Variants in ZNF160 observed in about 807,000 individuals in gnomAD.
ZNF160 encodes the protein zinc finger protein 160.
In ZNF160, 9 loss-of-function variants were observed where a neutral mutation model predicts 13.1. The observed-to-expected ratio is 0.69, with a 90% confidence interval of 0.41 to 1.20. ZNF160 has a LOEUF of 1.20. Among genes scored for constraint, ZNF160 ranks in the 50% most tolerant of loss-of-function variants. The pLI is 0.01. For synonymous variants in ZNF160, 293 were observed against 333.2 expected (o/e 0.88, Z 1.31); for missense variants, 838 against 988.0 (o/e 0.85, Z 2.04).
At chr19:53,072,426 T>C (rs898928159) in intron 5 of ZNF160, among the ~76,000 whole-genome samples, 12 of 152,218 alleles carry the variant, frequency 7.9e-5, no homozygotes, top group African/African-American at 2.9e-4. Flanking sequence ...CAATACCTGC[T>C]GAAAACCATA....
rs35223076 is a variant in ZNF160, at chr19:53,101,423, A to AAT, written c.-354+1840_-354+1841dup. ...AACTTCAAATGGAAACCATTTTGAAAATATATATATTATTTAATATGTATA... is the reference window on the plus strand; with the variant it reads ...AACTTCAAATGGAAACCATTTTGAAAATATATATATATTATTTAATATGTATA... On this transcript the variant is annotated intron_variant, in intron 1 of 5. Coordinates refer to ENST00000683776, the MANE Select transcript of ZNF160 (RefSeq NM_001322131.2). Among the ~76,000 whole-genome samples, 294 of 149,114 alleles carry AAT rather than the reference A, an allele frequency of 2.0e-3. 2 individuals carry two copies. Among genetic ancestry groups the AAT allele is most frequent in the African/African-American group, 6.7e-3 (271 of 40,696 alleles).
rs1305988164 is a variant in ZNF160, at chr19:53,069,509, T to G, written c.1025A>C (p.Lys342Thr). Residue 342 changes from lysine (K) to threonine (T), a missense_variant, in exon 6 of 6, where the codon AAG (lysine) becomes ACG (threonine). By Grantham distance (78) the Lys-to-Thr change is moderately conservative. Coordinates refer to ENST00000683776, the MANE Select transcript of ZNF160 (RefSeq NM_001322131.2). The surrounding 1 kb of genome is among the most constrained non-coding windows in gnomAD (Gnocchi z 4.4). Reference protein sequence around the residue: ...RRIHTGEKPYKCNECGKAFRG... With the variant: ...RRIHTGEKPYTCNECGKAFRG... ...AAAGGCTTTTCCACACTCATTACAC[T>G]TGTAAGGTTTCTCTCCAGTATGAAT... The G allele has an allele frequency of 6.2e-7, 1 of 1,614,054 alleles. No homozygotes were observed. The highest frequency in any genetic ancestry group is 8.5e-7 in the Non-Finnish European group (1 of 1,180,038).
intron 3 of ZNF160, chr19:53,085,886 G>T: frequency 1.5e-6 from 1 of 668,316 alleles, no homozygotes; most frequent in Non-Finnish European, 2.6e-6. Context: ...CAGTGAGCAG[G>T]TACGTGTGCA....
At chr19:53,075,378 G>A in intron 3 of ZNF160, 195 bp from the exon 4 acceptor site, 1 of 607,126 alleles carries the variant, frequency 1.6e-6, no homozygotes, top group Non-Finnish European at 2.8e-6. Flanking sequence ...TGAAATCAGT[G>A]GAGTGATAAG....
At chr19:53,085,209 C>T (rs1309541838) in intron 3 of ZNF160, 49 of 985,302 alleles carry the variant, frequency 5.0e-5, no homozygotes, top group Non-Finnish European at 5.5e-5. Flanking sequence ...GAAAAGTGAG[C>T]TCCTGTTTCC....
intron 1 of ZNF160, among the ~76,000 whole-genome samples, chr19:53,094,605 A>C (rs558860017): frequency 1.2e-4 from 18 of 152,290 alleles, no homozygotes; most frequent in Non-Finnish European, 2.6e-4. Context: ...ATCGTTTTCA[A>C]TGTAAGAGTA....
At position 53,068,043 on chromosome 19, in the gene ZNF160, A is replaced by C. The variant is rs756801036; in HGVS notation, c.*34T>G. 2 of 1,547,832 alleles carry C rather than the reference A, an allele frequency of 1.3e-6. No homozygotes were observed. On this transcript the variant is annotated 3_prime_UTR_variant, in exon 6 of 6. Transcript: ENST00000683776. Reference sequence around the variant, plus strand: ...TCAAGAATGAAATTAACTGATGTGAAAGGAGTGAATTGTACCTAATGACCT... The same window carrying C: ...TCAAGAATGAAATTAACTGATGTGACAGGAGTGAATTGTACCTAATGACCT...
intron 1 of ZNF160, among the ~76,000 whole-genome samples, chr19:53,092,008 C>T (rs193043210): frequency 3.9e-5 from 6 of 152,338 alleles, no homozygotes; most frequent in African/African-American, 1.4e-4. Context: ...TCCCATTCCA[C>T]TCTTGAGATG....
chr19:53,097,614 A>G (rs1347837803), intron 1 of ZNF160, among the ~76,000 whole-genome samples: 1 of 152,222 alleles, frequency 6.6e-6, no homozygotes, highest in African/African-American at 2.4e-5. Flanking sequence ...GGGGAATACC[A>G]CTGAAACCTA....
intron 3 of ZNF160, among the ~76,000 whole-genome samples, chr19:53,081,889 G>A (rs329703): frequency 0.9 from 137,040 of 152,246 alleles, 61,874 homozygotes; most frequent in African/African-American, 0.96. Context: ...CAAGTGGATC[G>A]GATAAAGAAA....
chr19:53,075,470 G>A, intron 3 of ZNF160: 1 of 374,774 alleles, frequency 2.7e-6, no homozygotes, highest in Non-Finnish European at 5.1e-6. Context: ...CCGGAACTAA[G>A]GCTCGGTGGG....
At chr19:53,079,910 ACT>A (rs1165881181) in intron 3 of ZNF160, among the ~76,000 whole-genome samples, 1 of 151,972 alleles carries the variant, frequency 6.6e-6, no homozygotes, top group African/African-American at 2.4e-5. Context: ...ACATAGTGAG[ACT>A]CTGTCTCTAT....
intron 2 of ZNF160, among the ~76,000 whole-genome samples, chr19:53,090,690 A>G (rs2085001113): frequency 6.6e-6 from 1 of 152,148 alleles, no homozygotes; most frequent in African/African-American, 2.4e-5. Flanking sequence ...GCAAGGCTCA[A>G]TGAGAGCAAG....
rs200150290 is a variant in ZNF160, at chr19:53,093,408, CA to C, written c.-353-1689del. Among the ~76,000 whole-genome samples the C allele has an allele frequency of 7.3e-3, 1,111 of 152,044 alleles. 4 individuals are homozygous for C. Among genetic ancestry groups the C allele is most frequent in the Non-Finnish European group, 0.013 (857 of 68,000 alleles). On this transcript the variant is annotated intron_variant, in intron 1 of 5. Coordinates refer to ENST00000683776, the MANE Select transcript of ZNF160 (RefSeq NM_001322131.2). ...GAGCCAAGATCGTGCCACTGCACTCCAGCCTGGGCAACAGAGCAGGACTCCA... is the reference window on the plus strand; with the variant it reads ...GAGCCAAGATCGTGCCACTGCACTCCGCCTGGGCAACAGAGCAGGACTCCA...
chr19:53,100,436 C>T (rs1175642332), intron 1 of ZNF160, among the ~76,000 whole-genome samples: 1 of 150,596 alleles, frequency 6.6e-6, no homozygotes, highest in Non-Finnish European at 1.5e-5. Flanking sequence ...TGGTGAAACC[C>T]CATCTCTACT....
chr19:53,074,383 C>T, intron 4 of ZNF160, 115 bp from the exon 5 acceptor site: 1 of 1,471,424 alleles, frequency 6.8e-7, no homozygotes, highest in Non-Finnish European at 9.0e-7. Flanking sequence ...AATTCATCCA[C>T]TGGGCCAGGC....
chr19:53,075,845 A>C (rs1600829067), intron 3 of ZNF160: 1 of 518,674 alleles, frequency 1.9e-6, no homozygotes, highest in East Asian at 5.4e-5. Flanking sequence ...GTCATTGAGA[A>C]GCACAGGCCA....
chr19:53,083,421 G>T (rs2084708920), intron 3 of ZNF160, among the ~76,000 whole-genome samples: 1 of 152,186 alleles, frequency 6.6e-6, no homozygotes, highest in Non-Finnish European at 1.5e-5. Flanking sequence ...CAGGAACTGG[G>T]TCAAAGACAA....
chr19:53,098,346 C>T (rs1415102533), intron 1 of ZNF160, among the ~76,000 whole-genome samples: 1 of 152,182 alleles, frequency 6.6e-6, no homozygotes, highest in Non-Finnish European at 1.5e-5. Flanking sequence ...TACTTCTCTT[C>T]CAGCCTGAGA....
Sources: gnomAD v4.1 joint callset for allele counts (sites outside exome capture counted in the v4.1 genomes callset) on GRCh38, gnomAD v4.1.1 for gene constraint, Gnocchi (gnomAD v3.1) non-coding constraint, MANE v1.5 for transcripts, NCBI Gene and HGNC (gene_info 2026-07-23, HGNC 2026-07-21) for gene names.